TARS3: variants seen among roughly 807,000 people sequenced by gnomAD.
TARS3 encodes threonyl-tRNA synthetase 3, also known as threonine--tRNA ligase 2, cytoplasmic.
A neutral mutation model predicts 103.5 loss-of-function variants in TARS3; 94 were observed. That is an observed-to-expected ratio of 0.91 (90% CI 0.77 to 1.08). The LOEUF is 1.08. Ranked by LOEUF, TARS3 falls within the 50% of genes least tolerant of loss-of-function variation. The pLI is 0.00. For missense variants in TARS3, 952 were observed against 995.2 expected (o/e 0.96, Z 0.58); for synonymous variants, 416 against 355.4 (o/e 1.17, Z -1.92).
chr15:101,711,750 T>C, intron 5 of TARS3, 130 bp downstream of exon 5: 2 of 1,069,530 alleles, frequency 1.9e-6, no homozygotes, highest in East Asian at 2.6e-5. Context: ...TTCAACTGCA[T>C]GGGCGTCGGT....
At chr15:101,711,633 A>C (rs1567354158) in intron 5 of TARS3, among the ~76,000 whole-genome samples, 1 of 152,226 alleles carries the variant, frequency 6.6e-6, no homozygotes, top group Non-Finnish European at 1.5e-5. Flanking sequence ...TGATACACCT[A>C]AGATACAAAC....
In TARS3 at chr15:101,654,569, T is replaced by C. The variant is rs201076892; in HGVS notation, c.*13A>G. 5.0e-6 allele frequency: 8 copies of C among 1,604,348 alleles called. No homozygotes were observed. In the East Asian group the frequency reaches 1.3e-4, roughly 27 times the overall value. On this transcript the variant is annotated 3_prime_UTR_variant, in exon 19 of 19. Transcript: ENST00000335968. ...AAACAAAGTTACACAGAAGCAAATA[T>C]CAGGGAAGGACTTCAAAAGGCCTCC...
intron 11 of TARS3, among the ~76,000 whole-genome samples, 183 bp from the exon 12 acceptor site, chr15:101,684,420 G>A (rs980576301): frequency 1.3e-5 from 2 of 152,058 alleles, no homozygotes; most frequent in Non-Finnish European, 2.9e-5. Context: ...CATCACTGCA[G>A]CACTCTGAGA....
Position 101,724,059 on chromosome 15 carries a change from C to T in TARS3, c.297+32G>A, listed in dbSNP as rs542254814. On this transcript the variant is annotated intron_variant, in intron 1 of 18. Transcript: ENST00000335968. The stretch of plus-strand genomic sequence containing the variant: ...GCACCGTCTCGGCCCGCCCCGCCCG[C>T]GTCCTCTCCAGTGTCCCCACCGCCC... The T allele has an allele frequency of 1.9e-4, 249 of 1,341,542 alleles. 2 individuals are homozygous for T. The African/African-American group carries it at 3.5e-3, about 19-fold the overall frequency. 83.1% of individuals were successfully genotyped at this position (1,341,542 alleles called of 1,614,324 possible).
At chr15:101,704,663 A>T (rs1187997495) in intron 7 of TARS3, among the ~76,000 whole-genome samples, 2 of 98,748 alleles carry the variant, frequency 2.0e-5, no homozygotes, top group Non-Finnish European at 5.1e-5. Flanking sequence ...TCAAAAAATT[A>T]AAAAAAAAAA....
intron 18 of TARS3, 133 bp from the exon 19 acceptor site, chr15:101,654,863 C>T: frequency 4.7e-6 from 4 of 852,118 alleles, no homozygotes; most frequent in Non-Finnish European, 7.3e-6. Context: ...GCATTTGGTT[C>T]ATCCTCTGAT....
At position 101,724,351 on chromosome 15, in the gene TARS3, A is replaced by T; in HGVS notation, c.37T>A (p.Ser13Thr). ...AEALAAEAVA[S>T]RLERQEEDIR... Reference sequence around the variant, plus strand: ...TCCTCCTCCTGCCGCTCCAGGCGCGACGCCACGGCCTCCGCCGCCAGGGCC... The same window carrying T: ...TCCTCCTCCTGCCGCTCCAGGCGCGTCGCCACGGCCTCCGCCGCCAGGGCC... The change falls in exon 1 of 19, where the codon TCG becomes ACG. Residue 13 changes from serine (S) to threonine (T), a missense_variant. Physicochemically the swap from Ser to Thr is moderately conservative, Grantham distance 58 (BLOSUM62 1). Around this residue, in one of 2 missense-constraint regions of TARS3, gnomAD observed 412 missense variants for 364.2 expected, o/e 1.13. Coordinates refer to ENST00000335968, the MANE Select transcript of TARS3 (RefSeq NM_152334.3). The T allele has an allele frequency of 1.3e-6, 2 of 1,549,978 alleles. No homozygotes were observed. The highest frequency in any genetic ancestry group is 1.7e-6 in the Non-Finnish European group (2 of 1,154,852).
intron 10 of TARS3, among the ~76,000 whole-genome samples, chr15:101,694,997 G>A (rs1453306777): frequency 6.6e-6 from 1 of 152,208 alleles, no homozygotes; most frequent in African/African-American, 2.4e-5. Context: ...GAGTTCTGGA[G>A]ATGGACCATG....
At chr15:101,696,876 G>A (rs190438782) in intron 10 of TARS3, among the ~76,000 whole-genome samples, 3 of 152,178 alleles carry the variant, frequency 2.0e-5, no homozygotes, top group Non-Finnish European at 4.4e-5. Context: ...ACCATGCACT[G>A]GTTCTGGTTG....
chr15:101,717,822 G>A (rs1207743916), intron 3 of TARS3, among the ~76,000 whole-genome samples: 2 of 152,312 alleles, frequency 1.3e-5, no homozygotes, highest in South Asian at 2.1e-4. Context: ...ATATTCAAGC[G>A]ACTTGAGTTT....
At chr15:101,723,616 T>C (rs1054716543) in intron 1 of TARS3, among the ~76,000 whole-genome samples, 4 of 152,116 alleles carry the variant, frequency 2.6e-5, no homozygotes, top group African/African-American at 4.8e-5. Context: ...TAAATAAAAA[T>C]GTTAAATATA....
At chr15:101,661,022 C>G (rs1385356942) in intron 16 of TARS3, among the ~76,000 whole-genome samples, 1 of 151,944 alleles carries the variant, frequency 6.6e-6, no homozygotes, top group Non-Finnish European at 1.5e-5. Context: ...ACTCTGTGGC[C>G]AAAGCAGTAA....
chr15:101,724,262 G>A lies in TARS3; in HGVS notation c.126C>T (p.Ser42=), dbSNP rs1353665729. 8.9e-6 allele frequency: 14 copies of A among 1,567,706 alleles called. No individual in the cohort carries two copies. Among genetic ancestry groups the A allele is most frequent in the East Asian group, 2.4e-5 (1 of 41,828 alleles). The change falls in exon 1 of 19, where the codon AGC becomes AGT. Residue 42 remains serine, a synonymous_variant. Transcript: ENST00000335968. ...TGAGGCACGGCCCCTCCGCCTGGCA[G>A]CTGTAGGGCGCGTTCAGCTGCTCGT... is the stretch of plus-strand genomic sequence containing the variant. ...LRDEQLNAPY[S]CQAEGPCLTR... is the part of the protein sequence containing the mutation.
intron 10 of TARS3, among the ~76,000 whole-genome samples, chr15:101,698,200 C>T (rs945924088): frequency 5.9e-5 from 9 of 152,220 alleles, no homozygotes; most frequent in Admixed American, 5.2e-4. Context: ...GGCATGGTGG[C>T]AGGCGCCTGT....
intron 10 of TARS3, among the ~76,000 whole-genome samples, chr15:101,696,608 G>A (rs552279188): frequency 6.6e-6 from 1 of 152,134 alleles, no homozygotes; most frequent in Non-Finnish European, 1.5e-5. Context: ...TGCTATAACT[G>A]AGAAATAAAA....
chr15:101,655,670 A>G lies in TARS3; in HGVS notation c.2261-940T>C, dbSNP rs112089057. Among the ~76,000 whole-genome samples the G allele has an allele frequency of 4.4e-3, 383 of 86,656 alleles. 2 individuals are homozygous for G. Among genetic ancestry groups the G allele is most frequent in the Middle Eastern group, 9.6e-3 (1 of 104 alleles). 56.8% of individuals were successfully genotyped at this position (86,656 alleles called of 152,430 possible). On this transcript the variant is annotated intron_variant, in intron 18 of 18. Coordinates refer to ENST00000335968, the MANE Select transcript of TARS3 (RefSeq NM_152334.3). ...AAATGAGAGCGGGGAGCTCTTACAGACTCACAGTGACTCCACCTGGCACTA... is the reference window on the plus strand; with the variant it reads ...AAATGAGAGCGGGGAGCTCTTACAGGCTCACAGTGACTCCACCTGGCACTA...
chr15:101,664,929 GA>G (rs1567324111), intron 15 of TARS3, among the ~76,000 whole-genome samples: 5 of 108,474 alleles, frequency 4.6e-5, no homozygotes, highest in Non-Finnish European at 1.2e-4. Flanking sequence ...ACGAACAACA[GA>G]GATTGTAGAA....
At chr15:101,700,004 C>T (rs1899179427) in intron 10 of TARS3, among the ~76,000 whole-genome samples, 1 of 151,728 alleles carries the variant, frequency 6.6e-6, no homozygotes, top group Non-Finnish European at 1.5e-5. Context: ...ATCTTAGTAG[C>T]AAGTTAATTC....
At chr15:101,698,201 A>G (rs952815838) in intron 10 of TARS3, among the ~76,000 whole-genome samples, 7 of 152,070 alleles carry the variant, frequency 4.6e-5, no homozygotes, top group African/African-American at 7.2e-5. Flanking sequence ...GCATGGTGGC[A>G]GGCGCCTGTG....
Sources: gnomAD v4.1 joint callset for allele counts (sites outside exome capture counted in the v4.1 genomes callset) on GRCh38, gnomAD v4.1.1 for gene constraint, gnomAD v4.1.1 regional missense constraint, MANE v1.5 for transcripts, NCBI Gene and HGNC (gene_info 2026-07-23, HGNC 2026-07-21) for gene names.